Variants in NRG2 observed in about 807,000 individuals in gnomAD.
NRG2 encodes the protein neuregulin 2.
NRG2 carries 27 observed loss-of-function variants against 73.9 expected under a neutral mutation model. The observed-to-expected ratio is 0.37, with a 90% confidence interval of 0.27 to 0.50. NRG2 has a LOEUF of 0.50. Among genes scored for constraint, NRG2 ranks in the 20% least tolerant of loss-of-function variants. The probability of loss-of-function intolerance (pLI) is 0.96; values close to 1 mark genes in which losing one functional copy is unlikely to be tolerated. For missense variants in NRG2, 1,126 were observed against 1,210.1 expected (o/e 0.93, Z 1.03); for synonymous variants, 532 against 541.0 (o/e 0.98, Z 0.23).
At chr5:139,920,675 G>C (rs1198937683) in intron 1 of NRG2, among the ~76,000 whole-genome samples, 3 of 152,166 alleles carry the variant, frequency 2.0e-5, no homozygotes, top group African/African-American at 7.2e-5. Flanking sequence ...GCTTCTCTGA[G>C]ACCTCAAAGA....
intron 1 of NRG2, among the ~76,000 whole-genome samples, chr5:139,917,550 C>A (rs543434506): frequency 1.3e-5 from 2 of 152,222 alleles, no homozygotes; most frequent in South Asian, 2.1e-4. Flanking sequence ...CTGTCCCCAG[C>A]CTTATTATTG....
rs34122778 is a variant in NRG2, at chr5:140,029,687, C to CAAAAAAAAAAAA, written c.700+12671_700+12682dup. On this transcript the variant is annotated intron_variant, in intron 1 of 9. Transcript: ENST00000361474. ...TGGGTGACAGAGCAAGACTCTGTCT[C>CAAAAAAAAAAAA]AAAAAAAAAAAAAAAAGCTCCAGCG... Among the ~76,000 whole-genome samples the CAAAAAAAAAAAA allele has an allele frequency of 3.8e-3, 235 of 61,268 alleles. 10 individuals are homozygous for CAAAAAAAAAAAA. The highest frequency in any genetic ancestry group is 4.3e-3 in the Non-Finnish European group (121 of 27,928). The allele number at this position is 61,268 out of a possible 152,430, so 40.2% of individuals were successfully genotyped here.
chr5:139,984,886 C>G (rs1156365094), intron 1 of NRG2, among the ~76,000 whole-genome samples: 4 of 152,158 alleles, frequency 2.6e-5, no homozygotes, highest in Admixed American at 2.6e-4. Flanking sequence ...GACTGCTTTT[C>G]TATTCCTTAT....
intron 1 of NRG2, among the ~76,000 whole-genome samples, chr5:139,973,057 T>C (rs1000013397): frequency 1.3e-5 from 2 of 151,854 alleles, no homozygotes. Flanking sequence ...TGACACAATC[T>C]TTCTGAACTT....
At chr5:139,885,551 C>T (rs566707179) in intron 2 of NRG2, among the ~76,000 whole-genome samples, 23 of 152,118 alleles carry the variant, frequency 1.5e-4, no homozygotes, top group South Asian at 2.1e-4. Context: ...TGGTGGAGGG[C>T]GGAAGTGAGA....
intron 1 of NRG2, among the ~76,000 whole-genome samples, chr5:139,957,294 C>T (rs947416191): frequency 6.7e-6 from 1 of 149,288 alleles, no homozygotes; most frequent in South Asian, 2.2e-4. Context: ...ACCATCCCCC[C>T]ACTCAAGAAT....
At chr5:139,881,305 C>T (rs1013471989) in intron 2 of NRG2, among the ~76,000 whole-genome samples, 1 of 152,202 alleles carries the variant, frequency 6.6e-6, no homozygotes, top group Non-Finnish European at 1.5e-5. Context: ...TGTAGGAAGT[C>T]ACATGGCCAC....
chr5:139,887,114 TTCTTG>T lies in NRG2; in HGVS notation c.872+221_872+225del, dbSNP rs1385145830. ...CTATCCAGAGAAGTTAAAGGCTTAA[TTCTTG>T]TCTGTGGTCTGCAAGACCCTGGGCC... is the stretch of plus-strand genomic sequence containing the variant. On this transcript the variant is annotated intron_variant, in intron 2 of 9. Coordinates refer to ENST00000361474, the MANE Select transcript of NRG2 (RefSeq NM_004883.3). This position sits in a 1 kb window ranked among gnomAD's most constrained non-coding sequence, Gnocchi z 4.5. Among the ~76,000 whole-genome samples, 2 of 152,268 alleles carry T rather than the reference TTCTTG, an allele frequency of 1.3e-5. No individual in the cohort carries two copies. Among genetic ancestry groups the T allele is most frequent in the African/African-American group, 4.8e-5 (2 of 41,474 alleles).
At chr5:139,930,775 G>C (rs920126578) in intron 1 of NRG2, among the ~76,000 whole-genome samples, 16 of 152,322 alleles carry the variant, frequency 1.1e-4, no homozygotes, top group Admixed American at 9.1e-4. Flanking sequence ...GGTGGATCCT[G>C]ATGAAGAGCA....
At chr5:139,990,000 G>A (rs1005372642) in intron 1 of NRG2, among the ~76,000 whole-genome samples, 7 of 151,302 alleles carry the variant, frequency 4.6e-5, no homozygotes, top group South Asian at 2.1e-4. Flanking sequence ...ATGTTAGCCA[G>A]GATGGTCTTG....
chr5:139,972,224 T>A (rs1051402915), intron 1 of NRG2, among the ~76,000 whole-genome samples: 22 of 152,172 alleles, frequency 1.4e-4, no homozygotes, highest in Non-Finnish European at 2.1e-4. Flanking sequence ...TTAACTAAAA[T>A]TTTAAAACAC....
intron 1 of NRG2, among the ~76,000 whole-genome samples, chr5:139,985,918 C>G (rs2126575589): frequency 6.6e-6 from 1 of 152,262 alleles, no homozygotes; most frequent in East Asian, 1.9e-4. Flanking sequence ...TTCACAGAGT[C>G]ATACAGTGAG....
intron 1 of NRG2, among the ~76,000 whole-genome samples, chr5:139,926,161 C>T (rs536315297): frequency 5.9e-5 from 9 of 152,334 alleles, no homozygotes; most frequent in South Asian, 2.1e-4. Flanking sequence ...GATGAACACG[C>T]GAAGATTTGC....
At chr5:139,961,608 T>G (rs1755069653) in intron 1 of NRG2, among the ~76,000 whole-genome samples, 1 of 152,206 alleles carries the variant, frequency 6.6e-6, no homozygotes, top group African/African-American at 2.4e-5. Context: ...GGTCAGATGC[T>G]GCAGGTCCCT....
chr5:139,974,606 G>GA (rs1166614716), intron 1 of NRG2, among the ~76,000 whole-genome samples: 1 of 151,980 alleles, frequency 6.6e-6, no homozygotes, highest in Non-Finnish European at 1.5e-5. Flanking sequence ...TTTACCAATA[G>GA]TTTTTTTTCT....
intron 5 of NRG2, among the ~76,000 whole-genome samples, chr5:139,863,161 C>T (rs1762260103): frequency 6.6e-6 from 1 of 152,184 alleles, no homozygotes. Context: ...TGTCATCATC[C>T]CCATTTTACA....
intron 1 of NRG2, among the ~76,000 whole-genome samples, chr5:140,024,670 C>G (rs1451038342): frequency 6.6e-6 from 1 of 152,176 alleles, no homozygotes; most frequent in Non-Finnish European, 1.5e-5. Context: ...ATTTCAAAGG[C>G]AGGAGGAGGT....
At chr5:139,920,884 A>T (rs1751608709) in intron 1 of NRG2, among the ~76,000 whole-genome samples, 1 of 152,272 alleles carries the variant, frequency 6.6e-6, no homozygotes, top group African/African-American at 2.4e-5. Context: ...ATCAAACAAC[A>T]AAGTGATTAC....
At chr5:139,900,026 G>A (rs1172110608) in intron 1 of NRG2, among the ~76,000 whole-genome samples, 1 of 152,194 alleles carries the variant, frequency 6.6e-6, no homozygotes, top group African/African-American at 2.4e-5. Context: ...AATGAGAGCT[G>A]TCTCCCTGTC....
Sources: gnomAD v4.1 joint callset for allele counts (sites outside exome capture counted in the v4.1 genomes callset) on GRCh38, gnomAD v4.1.1 for gene constraint, Gnocchi (gnomAD v3.1) non-coding constraint, MANE v1.5 for transcripts, NCBI Gene and HGNC (gene_info 2026-07-23, HGNC 2026-07-21) for gene names.